CNTN1: variants seen among roughly 807,000 people sequenced by gnomAD.
The protein encoded by CNTN1 is contactin 1.
Under a neutral mutation model 126.4 loss-of-function variants are expected in CNTN1, and 38 were observed. That is an observed-to-expected ratio of 0.30 (90% CI 0.23 to 0.39). The LOEUF is 0.39. CNTN1 is among the 10% of genes least tolerant of loss of function. The pLI is 1.00. For synonymous variants in CNTN1, 413 were observed against 422.6 expected (o/e 0.98, Z 0.28); for missense variants, 1,009 against 1,248.4 (o/e 0.81, Z 2.89).
chr12:40,710,522 T>C (rs1941886125), intron 1 of CNTN1, among the ~76,000 whole-genome samples: 1 of 152,154 alleles, frequency 6.6e-6, no homozygotes, highest in Non-Finnish European at 1.5e-5. Context: ...GCCAGTAGAC[T>C]TACTTGACAC....
intron 17 of CNTN1, among the ~76,000 whole-genome samples, chr12:41,003,350 A>AT (rs905102119): frequency 1.0e-3 from 153 of 150,866 alleles, no homozygotes; most frequent in Admixed American, 3.4e-3. Flanking sequence ...TTTGCCAGTT[A>AT]TTTTTTTTTG....
intron 1 of CNTN1, among the ~76,000 whole-genome samples, chr12:40,770,021 T>C (rs1022075282): frequency 6.6e-6 from 1 of 152,168 alleles, no homozygotes; most frequent in African/African-American, 2.4e-5. Flanking sequence ...TGTTTTGCAC[T>C]CAGGCACAGT....
intron 16 of CNTN1, among the ~76,000 whole-genome samples, chr12:40,982,936 C>G (rs1947857791): frequency 1.1e-5 from 1 of 89,072 alleles, no homozygotes; most frequent in Non-Finnish European, 2.1e-5. Flanking sequence ...ACACCGGGGC[C>G]TGTCTTGGGG....
At chr12:40,975,520 A>C (rs11832384) in intron 15 of CNTN1, among the ~76,000 whole-genome samples, 14,592 of 151,990 alleles carry the variant, frequency 0.096, 932 homozygotes, top group Admixed American at 0.2. Context: ...AAGAAACATA[A>C]CACTAACAAG....
intron 16 of CNTN1, among the ~76,000 whole-genome samples, chr12:40,988,226 C>A (rs1479464193): frequency 6.6e-6 from 1 of 152,096 alleles, no homozygotes; most frequent in Non-Finnish European, 1.5e-5. Flanking sequence ...ATTCTCATTT[C>A]CAGTCTCAAA....
At chr12:40,864,905 G>T (rs1183435902) in intron 1 of CNTN1, among the ~76,000 whole-genome samples, 1 of 152,110 alleles carries the variant, frequency 6.6e-6, no homozygotes, top group Non-Finnish European at 1.5e-5. Flanking sequence ...TGGAGGCAAA[G>T]TTACCACCAA....
chr12:40,925,638 TAGAGAGAG>T (rs796124911), intron 6 of CNTN1, among the ~76,000 whole-genome samples: 1 of 143,500 alleles, frequency 7.0e-6, no homozygotes, highest in African/African-American at 2.6e-5. Flanking sequence ...TATATATATA[TAGAGAGAG>T]AGAGTTGTGG....
At chr12:40,884,327 T>C (rs1943961958) in intron 1 of CNTN1, among the ~76,000 whole-genome samples, 1 of 151,552 alleles carries the variant, frequency 6.6e-6, no homozygotes, top group Non-Finnish European at 1.5e-5. Flanking sequence ...CATTTTCATA[T>C]AATCCAGTAT....
chr12:41,061,920 G>A (rs1253888427), intron 23 of CNTN1: 1 of 363,706 alleles, frequency 2.7e-6, no homozygotes, highest in African/African-American at 2.2e-5. Context: ...TCTCTACCTA[G>A]CTTAGTATTT....
intron 1 of CNTN1, among the ~76,000 whole-genome samples, chr12:40,868,386 C>T (rs143205165): frequency 4.7e-4 from 71 of 152,172 alleles, no homozygotes; most frequent in Non-Finnish European, 8.8e-4. Context: ...GGATTACATC[C>T]TTGGTAGATG....
chr12:40,795,759 A>G (rs1310808470), intron 1 of CNTN1, among the ~76,000 whole-genome samples: 2 of 152,132 alleles, frequency 1.3e-5, no homozygotes, highest in African/African-American at 4.8e-5. Flanking sequence ...TGCTACATGC[A>G]ATACAGTAAA....
intron 23 of CNTN1, among the ~76,000 whole-genome samples, chr12:41,030,189 T>G (rs1385603374): frequency 6.7e-6 from 1 of 150,328 alleles, no homozygotes; most frequent in South Asian, 2.1e-4. Context: ...TTAAGAAAAC[T>G]AAAAAAAAAG....
At chr12:40,972,444 T>A (rs760328167) in intron 15 of CNTN1, 8 of 983,174 alleles carry the variant, frequency 8.1e-6, no homozygotes, top group Non-Finnish European at 9.7e-6. Context: ...CAGGTTTGTG[T>A]TTAGGTATGA....
chr12:40,736,486 T>G (rs1258876609), intron 1 of CNTN1, among the ~76,000 whole-genome samples: 1 of 152,078 alleles, frequency 6.6e-6, no homozygotes, highest in Non-Finnish European at 1.5e-5. Context: ...TTAGCTTCAC[T>G]GATCACAGTG....
intron 18 of CNTN1, among the ~76,000 whole-genome samples, chr12:41,016,035 G>T (rs561111705): frequency 1.2e-4 from 18 of 152,220 alleles, no homozygotes; most frequent in African/African-American, 3.9e-4. Context: ...TCGATCACAA[G>T]GTAGATATTC....
rs548280343 is a variant in CNTN1 at position 40,842,008 on chromosome 12, GAAAT to G, written c.-76-66341_-76-66338del. On this transcript the variant is annotated intron_variant, in intron 1 of 23. Coordinates refer to ENST00000551295, the MANE Select transcript of CNTN1 (RefSeq NM_001843.4). The stretch of plus-strand genomic sequence containing the variant: ...TTTATACAAATTTTTTTTAAAAAAA[GAAAT>G]AAATAAAAAGATATTTTTAATTAGG... 2.6e-3 allele frequency among the ~76,000 whole-genome samples: 356 copies of G among 139,142 alleles called. 1 individual carries two copies. The highest frequency in any genetic ancestry group is 4.4e-3 in the Non-Finnish European group (270 of 61,672). The allele number at this position is 139,142 out of a possible 152,430, so 91.3% of individuals were successfully genotyped here.
At chr12:40,930,225 G>A (rs917957853) in intron 7 of CNTN1, among the ~76,000 whole-genome samples, 5 of 151,950 alleles carry the variant, frequency 3.3e-5, no homozygotes, top group African/African-American at 1.2e-4. Flanking sequence ...CGGATGAGTT[G>A]CCTCTAGCTC....
chr12:40,692,633 G>C (rs1941328307), intron 1 of CNTN1, 41 bp downstream of exon 1: 1 of 152,708 alleles, frequency 6.5e-6, no homozygotes, highest in Non-Finnish European at 1.5e-5. Flanking sequence ...ATAAAATAAA[G>C]AATGCGCATT....
chr12:41,043,164 C>A (rs1949457732), intron 23 of CNTN1, among the ~76,000 whole-genome samples: 1 of 152,126 alleles, frequency 6.6e-6, no homozygotes, highest in African/African-American at 2.4e-5. Context: ...TCTAATTAAA[C>A]TAAAGAGCTC....
Sources: allele counts gnomAD v4.1 joint callset (sites outside exome capture counted in the v4.1 genomes callset), GRCh38; gene constraint gnomAD v4.1.1; transcripts MANE v1.5; gene names NCBI Gene and HGNC (gene_info 2026-07-23, HGNC 2026-07-21).